Variants in MBP observed in about 807,000 individuals in gnomAD.
MBP encodes myelin basic protein.
In MBP, 16 loss-of-function variants were observed where a neutral mutation model predicts 35.8. The ratio of observed to expected loss-of-function variants is 0.45; its 90% CI spans 0.30 to 0.68. The LOEUF is 0.68. MBP is among the 30% of genes least tolerant of loss of function. The pLI, the probability that MBP is intolerant of heterozygous loss-of-function variation, is 0.08. For synonymous variants in MBP, 143 were observed against 159.6 expected (o/e 0.90, Z 0.78); for missense variants, 380 against 404.7 (o/e 0.94, Z 0.52).
At chr18:77,109,753 T>G (rs1324822474) in intron 1 of MBP, 1 of 152,244 alleles carries the variant, frequency 6.6e-6, no homozygotes, top group Non-Finnish European at 1.5e-5. Context: ...AGGTCAAGTT[T>G]ATGATGGCGT....
intron 3 of MBP, among the ~76,000 whole-genome samples, chr18:77,036,841 G>C (rs28424014): frequency 7.1e-6 from 1 of 141,534 alleles, no homozygotes; most frequent in East Asian, 2.3e-4. Context: ...GCAAGTGCTG[G>C]TCACATTTTG....
rs114182578 is a variant in MBP, at chr18:77,048,427, C to T, written c.139+17871G>A. On this transcript the variant is annotated intron_variant, in intron 3 of 8. Coordinates refer to ENST00000355994, the MANE Select transcript of MBP (RefSeq NM_001025101.2). Reference sequence around the variant, plus strand: ...ACTGTGCGAGGCCTTCTATTGGCATCTGACTTTATGCGTCCCTAACAATCT... The same window carrying T: ...ACTGTGCGAGGCCTTCTATTGGCATTTGACTTTATGCGTCCCTAACAATCT... Among the ~76,000 whole-genome samples the T allele has an allele frequency of 6.6e-3, 998 of 152,348 alleles. 9 individuals carry two copies. The highest frequency in any genetic ancestry group is 0.023 in the African/African-American group (947 of 41,574).
At chr18:77,049,674 A>G (rs1214931186) in intron 3 of MBP, among the ~76,000 whole-genome samples, 1 of 151,606 alleles carries the variant, frequency 6.6e-6, no homozygotes, top group African/African-American at 2.4e-5. Context: ...TTTATTTTTA[A>G]TTTTTATTTT....
At position 77,131,642 on chromosome 18, in the gene MBP, C is replaced by T. The variant is rs575447270; in HGVS notation, c.-26+938G>A. On this transcript the variant is annotated intron_variant, in intron 1 of 8. Transcript: ENST00000355994. This position sits in a 1 kb window ranked among gnomAD's most constrained non-coding sequence, Gnocchi z 5.5. ...CGCTTGAACCTTTTCCCAAGCCCCA[C>T]TCCACCTTCCAAAACGGGGGGGCTC... 1 of 152,206 alleles carries T rather than the reference C, an allele frequency of 6.6e-6. No individual in the cohort carries two copies. The highest frequency in any genetic ancestry group is 2.4e-5 in the African/African-American group (1 of 41,482). 9.4% of individuals were successfully genotyped at this position (152,206 alleles called of 1,614,324 possible).
intron 2 of MBP, 31 bp downstream of exon 2, chr18:77,105,180 T>C: frequency 6.2e-7 from 1 of 1,609,232 alleles, no homozygotes. Flanking sequence ...GAAAACAACA[T>C]GCACATGTTT....
In MBP at chr18:77,009,961, G is replaced by A. The variant is rs371433581; in HGVS notation, c.576+6871C>T. ...GACACAGAGTGGGCTGCGTGAGTCC[G>A]GGTGGGCGCCGCCGGCAATGCCCCA... On this transcript the variant is annotated intron_variant, in intron 4 of 8. Coordinates refer to ENST00000355994, the MANE Select transcript of MBP (RefSeq NM_001025101.2). 35 of 1,473,340 alleles carry A rather than the reference G, an allele frequency of 2.4e-5. No homozygotes were observed. In the African/African-American group the frequency reaches 3.9e-4, roughly 16 times the overall value. 91.3% of individuals were successfully genotyped at this position (1,473,340 alleles called of 1,614,324 possible). A position where few individuals can be genotyped will look rare whatever the true frequency, so the allele number is the denominator to read the frequency against.
intron 4 of MBP, among the ~76,000 whole-genome samples, chr18:77,011,257 G>A (rs1244801273): frequency 2.6e-5 from 4 of 152,206 alleles, no homozygotes; most frequent in African/African-American, 7.2e-5. Flanking sequence ...GGAGGTCTCC[G>A]TGGATAAGCC....
chr18:77,050,844 C>A (rs1051888491), intron 3 of MBP, among the ~76,000 whole-genome samples: 3 of 152,210 alleles, frequency 2.0e-5, no homozygotes, highest in African/African-American at 4.8e-5. Flanking sequence ...CCACACCCCA[C>A]CCTATTACCT....
intron 2 of MBP, among the ~76,000 whole-genome samples, chr18:77,097,825 C>T (rs986147864): frequency 2.0e-5 from 3 of 152,106 alleles, no homozygotes; most frequent in Admixed American, 6.5e-5. Context: ...TGGGTGGAGC[C>T]GGTATTAGGG....
chr18:77,067,874 T>C (rs1213093959), intron 2 of MBP: 1 of 507,498 alleles, frequency 2.0e-6, no homozygotes, highest in Admixed American at 2.0e-5. Context: ...CCCTGAAGTC[T>C]GATTCAGACC....
At position 76,988,890 on chromosome 18, in the gene MBP, G is replaced by A. The variant is rs193100374; in HGVS notation, c.704C>T (p.Pro235Leu). 202 of 1,613,786 alleles carry A rather than the reference G, an allele frequency of 1.3e-4. 1 individual carries two copies. The East Asian group carries it at 4.3e-3, about 34-fold the overall frequency. The change falls in exon 6 of 9, where the codon CCG (proline) becomes CTG (leucine). Residue 235 changes from proline (P) to leucine (L), a missense_variant. Coordinates refer to ENST00000355994, the MANE Select transcript of MBP (RefSeq NM_001025101.2). This position sits in a 1 kb window ranked among gnomAD's most constrained non-coding sequence, Gnocchi z 5.2. ...KNIVTPRTPP[P>L]SQGKGRGLSL... ...CCAAGGTCTTACCTTTCCCTGCGACGGGGGTGGTGTGCGAGGCGTCACCTG... is the reference window on the plus strand; with the variant it reads ...CCAAGGTCTTACCTTTCCCTGCGACAGGGGTGGTGTGCGAGGCGTCACCTG...
At position 77,032,805 on chromosome 18, in the gene MBP, G is replaced by A. The variant is rs550588151; in HGVS notation, c.140-15537C>T. ...TCATAAGAAAGTGGCATCACAGGTA[G>A]TACTAGGAATTGCTTCTCAGGGGGA... On this transcript the variant is annotated intron_variant, in intron 3 of 8. Coordinates refer to ENST00000355994, the MANE Select transcript of MBP (RefSeq NM_001025101.2). 1.9e-4 allele frequency among the ~76,000 whole-genome samples: 29 copies of A among 152,294 alleles called. No individual in the cohort carries two copies. The South Asian group carries it at 5.8e-3, about 30-fold the overall frequency.
At chr18:77,133,196 C>G (rs549322453), upstream of MBP, among the ~76,000 whole-genome samples, 37 of 152,314 alleles carry the variant, frequency 2.4e-4, no homozygotes, top group African/African-American at 8.7e-4. Flanking sequence ...TTGGCGCAGC[C>G]CCGGCCCTGC....
intron 1 of MBP, among the ~76,000 whole-genome samples, chr18:77,121,425 T>C (rs1414381677): frequency 6.6e-6 from 1 of 152,268 alleles, no homozygotes; most frequent in Non-Finnish European, 1.5e-5. Context: ...CTAATGAGGC[T>C]TTAACCCTGG....
intron 1 of MBP, among the ~76,000 whole-genome samples, chr18:77,111,895 AAT>A (rs1173704588): frequency 1.3e-5 from 2 of 152,150 alleles, no homozygotes; most frequent in Non-Finnish European, 2.9e-5. Flanking sequence ...TCATATATAA[AAT>A]AAAACCAAAG....
rs1969748192 is a variant in MBP, at chr18:76,989,139, G to A, written c.682-227C>T. On this transcript the variant is annotated intron_variant, in intron 5 of 8. Coordinates refer to ENST00000355994, the MANE Select transcript of MBP (RefSeq NM_001025101.2). The surrounding 1 kb of genome is among the most constrained non-coding windows in gnomAD (Gnocchi z 4.0). ...AGAGCACTCAGGAAGTGTTTCAGAG[G>A]ATGGAAAACACCTCCCAGAGGCTCC... 1.5e-6 allele frequency: 1 copy of A among 687,266 alleles called. No homozygotes were observed. The highest frequency in any genetic ancestry group is 2.7e-6 in the Non-Finnish European group (1 of 375,894). 42.6% of individuals were successfully genotyped at this position (687,266 alleles called of 1,614,324 possible).
At chr18:77,029,309 G>A (rs1972437668) in intron 3 of MBP, among the ~76,000 whole-genome samples, 2 of 150,098 alleles carry the variant, frequency 1.3e-5, no homozygotes, top group African/African-American at 4.9e-5. Flanking sequence ...CACTCGGCAG[G>A]CTGAGGCAGG....
intron 4 of MBP, chr18:77,013,932 G>C: frequency 1.0e-6 from 1 of 985,370 alleles, no homozygotes; most frequent in Non-Finnish European, 1.2e-6. Flanking sequence ...CCTCAGATAT[G>C]AGCACTGGCA....
At chr18:77,029,787 C>CACACAA (rs1000112133) in intron 3 of MBP, among the ~76,000 whole-genome samples, 7 of 117,984 alleles carry the variant, frequency 5.9e-5, no homozygotes, top group African/African-American at 1.8e-4. Flanking sequence ...CACACACACA[C>CACACAA]ACACAAACAC....
Sources: gnomAD v4.1 joint callset for allele counts (sites outside exome capture counted in the v4.1 genomes callset) on GRCh38, gnomAD v4.1.1 for gene constraint, Gnocchi (gnomAD v3.1) non-coding constraint, MANE v1.5 for transcripts, NCBI Gene and HGNC (gene_info 2026-07-23, HGNC 2026-07-21) for gene names.